Variants in SLC22A9 observed in about 807,000 individuals in gnomAD.
SLC22A9 encodes solute carrier family 22 member 9, also known as organic anion transporter 7.
Under a neutral mutation model 50.1 loss-of-function variants are expected in SLC22A9, and 64 were observed. The observed-to-expected ratio is 1.28, with a 90% CI of 1.04 to 1.57. The LOEUF (loss-of-function observed/expected upper bound fraction) is 1.57, where lower values mean the gene tolerates loss of function less well. SLC22A9 is among the 40% of genes most tolerant of loss of function. SLC22A9 has a pLI of 0.00. For synonymous variants in SLC22A9, 261 were observed against 242.5 expected (o/e 1.08, Z -0.71); for missense variants, 757 against 676.1 (o/e 1.12, Z -1.33).
chr11:63,394,314 A>G (rs1259280318), intron 6 of SLC22A9, among the ~76,000 whole-genome samples: 1 of 150,814 alleles, frequency 6.6e-6, no homozygotes, highest in East Asian at 1.9e-4. Flanking sequence ...TTTTTGTTTT[A>G]TAGGTCCTGT....
rs1437556887 is a variant in SLC22A9, at chr11:63,371,254, A to G, written c.506+16A>G. The G allele has an allele frequency of 1.3e-6, 2 of 1,571,088 alleles. No individual in the cohort carries two copies. ...TATCAGACAGGTGAGTGTGTATGGAACACAGCTCTCTTTAAGGGCATTTTT... is the reference window on the plus strand; with the variant it reads ...TATCAGACAGGTGAGTGTGTATGGAGCACAGCTCTCTTTAAGGGCATTTTT... On this transcript the variant is annotated intron_variant, in intron 2 of 9. Coordinates refer to ENST00000279178, the MANE Select transcript of SLC22A9 (RefSeq NM_080866.3).
intron 6 of SLC22A9, among the ~76,000 whole-genome samples, chr11:63,382,768 A>AT (rs2014588959): frequency 6.6e-6 from 1 of 152,204 alleles, no homozygotes; most frequent in African/African-American, 2.4e-5. Context: ...AGAAACATTG[A>AT]TTTAACAATG....
intron 9 of SLC22A9, among the ~76,000 whole-genome samples, chr11:63,409,507 C>T (rs7129183): frequency 0.37 from 55,813 of 151,624 alleles, 11,815 homozygotes; most frequent in East Asian, 0.82. Flanking sequence ...TGTTGGGCCA[C>T]ATTCAAAGCC....
chr11:63,371,234 G>C lies in SLC22A9; in HGVS notation c.502G>C (p.Asp168His). 1 of 1,610,868 alleles carries C rather than the reference G, an allele frequency of 6.2e-7. No homozygotes were observed. The highest frequency in any genetic ancestry group is 8.5e-7 in the Non-Finnish European group (1 of 1,177,360). The change falls in exon 2 of 10, where the codon GAC (aspartate) becomes CAC (histidine). Residue 168 changes from aspartate to histidine, a missense_variant. Asp to His is a moderately conservative substitution (Grantham distance 81, BLOSUM62 -1). Coordinates refer to ENST00000279178, the MANE Select transcript of SLC22A9 (RefSeq NM_080866.3). ...AGGCATCCTAGGCGGTCATTTATCA[G>C]ACAGGTGAGTGTGTATGGAACACAG... ...VGGILGGHLS[D>H]RFGRRFVLRW...
chr11:63,388,009 C>T (rs113779758), intron 6 of SLC22A9, among the ~76,000 whole-genome samples: 5,152 of 152,082 alleles, frequency 0.034, 122 homozygotes, highest in Non-Finnish European at 0.056. Flanking sequence ...CCTGCAGCTT[C>T]ACTGAATTTG....
In SLC22A9 at chr11:63,373,782, A is replaced by T; in HGVS notation, c.645A>T (p.Thr215=). The T allele has an allele frequency of 6.2e-7, 1 of 1,609,250 alleles. No individual in the cohort carries two copies. The highest frequency in any genetic ancestry group is 8.5e-7 in the Non-Finnish European group (1 of 1,178,226). ...LSGIAAMSLI[T]NTIMLIAEWA... Reference sequence around the variant, plus strand: ...GGATTGCTGCAATGAGCCTCATAACAAATACTATTATGTTAAGTAAGCCAA... The same window carrying T: ...GGATTGCTGCAATGAGCCTCATAACTAATACTATTATGTTAAGTAAGCCAA... Residue 215 remains threonine (T), a synonymous_variant, in exon 3 of 10, where the codon ACA becomes ACT. Coordinates refer to ENST00000279178, the MANE Select transcript of SLC22A9 (RefSeq NM_080866.3).
chr11:63,387,012 CT>C (rs1210762933), intron 6 of SLC22A9, among the ~76,000 whole-genome samples: 1 of 151,888 alleles, frequency 6.6e-6, no homozygotes, highest in Non-Finnish European at 1.5e-5. Flanking sequence ...ATCTTTCTAG[CT>C]TTTTGATGTG....
At chr11:63,409,403 A>G (rs1283741535) in intron 9 of SLC22A9, among the ~76,000 whole-genome samples, 1 of 151,558 alleles carries the variant, frequency 6.6e-6, no homozygotes, top group African/African-American at 2.4e-5. Context: ...TGGGCCACAC[A>G]TAAAATACAC....
chr11:63,404,396 A>G (rs1253555384), intron 6 of SLC22A9, among the ~76,000 whole-genome samples: 1 of 152,184 alleles, frequency 6.6e-6, no homozygotes. Flanking sequence ...TCTGCTGTAC[A>G]ACATTATGCT....
At position 63,398,626 on chromosome 11, in the gene SLC22A9, TCCCA is replaced by T. The variant is rs138333188; in HGVS notation, c.1074-7869_1074-7866del. On this transcript the variant is annotated intron_variant, in intron 6 of 9. Transcript: ENST00000279178. The stretch of plus-strand genomic sequence containing the variant: ...GGCAGCACTGATTCCCAATGCAAAG[TCCCA>T]CAATCACTGTGCTCTCTATCCCCCA... Among the ~76,000 whole-genome samples, 298 of 152,180 alleles carry T rather than the reference TCCCA, an allele frequency of 2.0e-3. 8 individuals are homozygous for T. In the East Asian group the frequency reaches 0.047, roughly 24 times the overall value.
intron 6 of SLC22A9, among the ~76,000 whole-genome samples, chr11:63,398,879 A>AG (rs1297601395): frequency 1.3e-5 from 2 of 152,170 alleles, no homozygotes; most frequent in African/African-American, 4.8e-5. Flanking sequence ...AGATGACCTT[A>AG]GAGGCTTCTA....
At chr11:63,406,471 GT>G (rs750448730) in intron 6 of SLC22A9, 25 bp from the exon 7 acceptor site, 28 of 1,594,342 alleles carry the variant, frequency 1.8e-5, no homozygotes, top group Non-Finnish European at 2.4e-5. Context: ...ATTATAATAT[GT>G]TTCTTTCCTT....
intron 6 of SLC22A9, among the ~76,000 whole-genome samples, chr11:63,386,530 C>G (rs370197260): frequency 8.0e-6 from 1 of 125,002 alleles, no homozygotes. Flanking sequence ...AGGGATTCAA[C>G]TTCTTCCTGG....
chr11:63,401,508 T>C (rs2014951406), intron 6 of SLC22A9, among the ~76,000 whole-genome samples: 1 of 152,118 alleles, frequency 6.6e-6, no homozygotes, highest in African/African-American at 2.4e-5. Flanking sequence ...ACATCCCATG[T>C]GCATGGATTA....
Position 63,371,252 on chromosome 11 carries a change from G to C in SLC22A9, c.506+14G>C, listed in dbSNP as rs2014354736. 6.3e-7 allele frequency: 1 copy of C among 1,576,542 alleles called. No individual in the cohort carries two copies. Among genetic ancestry groups the C allele is most frequent in the Admixed American group, 1.7e-5 (1 of 59,304 alleles). On this transcript the variant is annotated intron_variant, in intron 2 of 9. Coordinates refer to ENST00000279178, the MANE Select transcript of SLC22A9 (RefSeq NM_080866.3). ...TTTATCAGACAGGTGAGTGTGTATG[G>C]AACACAGCTCTCTTTAAGGGCATTT...
chr11:63,408,918 T>A, intron 9 of SLC22A9, 39 bp downstream of exon 9: 1 of 1,604,898 alleles, frequency 6.2e-7, no homozygotes, highest in Non-Finnish European at 8.5e-7. Flanking sequence ...AGGATCTGTG[T>A]GCTATAGGTC....
At chr11:63,391,983 G>A (rs2014771761) in intron 6 of SLC22A9, among the ~76,000 whole-genome samples, 1 of 151,876 alleles carries the variant, frequency 6.6e-6, no homozygotes, top group Non-Finnish European at 1.5e-5. Context: ...CCTGTTGCAT[G>A]TTTTTCAATT....
At chr11:63,385,117 T>TTTG (rs1286715633) in intron 6 of SLC22A9, among the ~76,000 whole-genome samples, 3 of 147,184 alleles carry the variant, frequency 2.0e-5, no homozygotes, top group East Asian at 3.9e-4. Context: ...TTTTTTTTTT[T>TTTG]TTTTTTTTTT....
In SLC22A9 at chr11:63,410,277, G is replaced by GAAAGAAAGA. The variant is rs1555017457; in HGVS notation, c.*422_*423insGAAAAGAAA. 2.4e-5 allele frequency: 3 copies of GAAAGAAAGA among 123,826 alleles called. No homozygotes were observed. Among genetic ancestry groups the GAAAGAAAGA allele is most frequent in the Admixed American group, 8.2e-5 (1 of 12,262 alleles). The allele number at this position is 123,826 out of a possible 1,614,324, so 7.7% of individuals were successfully genotyped here. A position where few individuals can be genotyped will look rare whatever the true frequency, so the allele number is the denominator to read the frequency against. ...AAAAAAAAAGAAAGAAGGAAAGAAAGAAAGAAAAGAAAAGAAATAACAAGA... is the reference window on the plus strand; with the variant it reads ...AAAAAAAAAGAAAGAAGGAAAGAAAGAAAGAAAGAAAAGAAAAGAAAAGAAATAACAAGA... On this transcript the variant is annotated 3_prime_UTR_variant, in exon 10 of 10. Coordinates refer to ENST00000279178, the MANE Select transcript of SLC22A9 (RefSeq NM_080866.3).
Sources: allele counts gnomAD v4.1 joint callset (sites outside exome capture counted in the v4.1 genomes callset), GRCh38; gene constraint gnomAD v4.1.1; transcripts MANE v1.5; gene names NCBI Gene and HGNC (gene_info 2026-07-23, HGNC 2026-07-21).